The following LRRIQ1 variants were observed in gnomAD, a reference collection of about 807,000 sequenced individuals.
LRRIQ1 encodes leucine rich repeats and IQ motif containing 1.
Under a neutral mutation model 211.9 loss-of-function variants are expected in LRRIQ1, and 210 were observed. The observed-to-expected ratio is 0.99, with a 90% CI of 0.89 to 1.11. LRRIQ1 has a LOEUF of 1.11. LRRIQ1 is among the 50% of genes most tolerant of loss of function. The probability of loss-of-function intolerance (pLI) is 0.00; values close to 1 mark genes in which losing one functional copy is unlikely to be tolerated. For missense variants in LRRIQ1, 2,136 were observed against 1,939.5 expected (o/e 1.10, Z -1.90); for synonymous variants, 699 against 650.1 (o/e 1.08, Z -1.14).
At chr12:85,192,929 A>C (rs1229194835) in intron 24 of LRRIQ1, among the ~76,000 whole-genome samples, 2 of 93,984 alleles carry the variant, frequency 2.1e-5, no homozygotes, top group South Asian at 6.2e-4. Context: ...ATAATTATAT[A>C]ATATAATTAT....
intron 4 of LRRIQ1, 120 bp downstream of exon 4, chr12:85,044,929 A>T (rs1228766611): frequency 6.9e-6 from 3 of 431,940 alleles, no homozygotes; most frequent in Non-Finnish European, 8.4e-6. Context: ...AAATTTAATT[A>T]TTCTTAAGCA....
rs771396016 is a variant in LRRIQ1, at chr12:85,047,467, G to C, written c.675G>C (p.Gln225His). ...AAAAGAAGAAATTAGAGAACATTCA[G>C]AAGGTATTTTGCTTTTGTTTTTCAT... ...KVEKKKLENI[Q>H]KQEQDKMNDE... Residue 225 changes from glutamine (Q) to histidine (H), a missense_variant, in exon 6 of 27, where the codon CAG (glutamine) becomes CAC (histidine). Coordinates refer to ENST00000393217, the MANE Select transcript of LRRIQ1 (RefSeq NM_001079910.2). 2.5e-6 allele frequency: 4 copies of C among 1,609,780 alleles called. No individual in the cohort carries two copies. Among genetic ancestry groups the C allele is most frequent in the Non-Finnish European group, 2.5e-6 (3 of 1,178,310 alleles).
intron 15 of LRRIQ1, 103 bp from the exon 16 acceptor site, chr12:85,121,594 A>G: frequency 1.2e-6 from 1 of 801,202 alleles, no homozygotes; most frequent in South Asian, 4.5e-5. Context: ...TCTGAGATAT[A>G]TATCCTATGC....
chr12:85,253,529 C>T (rs1468512803), intron 1 of LRRIQ1, among the ~76,000 whole-genome samples: 2 of 151,928 alleles, frequency 1.3e-5, no homozygotes, highest in Non-Finnish European at 2.9e-5. Flanking sequence ...TTGTCTCTTG[C>T]CAGCCAGAAC....
At position 85,057,078 on chromosome 12, in the gene LRRIQ1, A is replaced by T. The variant is rs772488887; in HGVS notation, c.2285A>T (p.Lys762Met). Reference sequence around the variant, plus strand: ...GAAATTTTCAAGCAAAATCAACAAAAGAAAATTGTTAGAAGAAAGAGACCT... The same window carrying T: ...GAAATTTTCAAGCAAAATCAACAAATGAAAATTGTTAGAAGAAAGAGACCT... ...WLEIFKQNQQ[K>M]KIVRRKRPVK... The change falls in exon 8 of 27, where the codon AAG becomes ATG. Residue 762 changes from lysine (K) to methionine (M), a missense_variant. By Grantham distance (95) the Lys-to-Met change is moderately conservative. Transcript: ENST00000393217. The T allele has an allele frequency of 6.2e-7, 1 of 1,609,264 alleles. No individual in the cohort carries two copies. Among genetic ancestry groups the T allele is most frequent in the East Asian group, 2.2e-5 (1 of 44,786 alleles).
chr12:85,190,599 G>A (rs1892463553), intron 24 of LRRIQ1, among the ~76,000 whole-genome samples: 1 of 151,122 alleles, frequency 6.6e-6, no homozygotes, highest in African/African-American at 2.4e-5. Flanking sequence ...TCTATATTAT[G>A]TATGTAAGTG....
At chr12:85,228,330 A>G (rs1212956959) in intron 24 of LRRIQ1, among the ~76,000 whole-genome samples, 10 of 152,184 alleles carry the variant, frequency 6.6e-5, no homozygotes, top group African/African-American at 2.2e-4. Flanking sequence ...TTATAAGGCT[A>G]TTTATGAAAA....
Position 85,121,775 on chromosome 12 carries a change from T to G in LRRIQ1, c.3456T>G (p.Thr1152=), listed in dbSNP as rs1295427121. 10 of 1,610,250 alleles carry G rather than the reference T, an allele frequency of 6.2e-6. No individual in the cohort carries two copies. Among genetic ancestry groups the G allele is most frequent in the African/African-American group, 4.0e-5 (3 of 74,828 alleles). ...TAAACTCTAATTCAGAAAGCCGCAC[T>G]GAAGAACACAATCAACTGGGATCAG... The part of the protein sequence containing the change: ...NILNSNSESR[T]EEHNQLGSAG... The change falls in exon 16 of 27, where the codon ACT becomes ACG. Residue 1152 remains threonine, a synonymous_variant. Transcript: ENST00000393217.
At chr12:85,226,013 C>A (rs1044295295) in intron 24 of LRRIQ1, among the ~76,000 whole-genome samples, 4 of 152,128 alleles carry the variant, frequency 2.6e-5, no homozygotes, top group African/African-American at 9.7e-5. Context: ...GAGCTCATGC[C>A]AATCTACCAA....
intron 15 of LRRIQ1, among the ~76,000 whole-genome samples, chr12:85,111,237 G>A (rs1887150092): frequency 1.3e-5 from 2 of 152,100 alleles, no homozygotes; most frequent in Non-Finnish European, 2.9e-5. Flanking sequence ...GTAGGAGAGA[G>A]GGAAAGGGAC....
chr12:85,178,638 T>G (rs965671285), intron 24 of LRRIQ1, among the ~76,000 whole-genome samples: 1 of 151,952 alleles, frequency 6.6e-6, no homozygotes, highest in African/African-American at 2.4e-5. Flanking sequence ...TCCCCATAAT[T>G]TATCTTAGTC....
Position 85,244,832 on chromosome 12 carries a change from C to T in LRRIQ1, c.5060C>T (p.Ser1687Phe), listed in dbSNP as rs1895642851. ...GAAGACACGGATTTAGACCTTTTTT[C>T]CATGACCAATGGAAGTGCTTTGTCT... ...SREDTDLDLF[S>F]MTNGSALSVN... Residue 1687 changes from serine (S) to phenylalanine (F), a missense_variant, in exon 27 of 27, where the codon TCC (serine) becomes TTC (phenylalanine). Transcript: ENST00000393217. The T allele has an allele frequency of 6.2e-7, 1 of 1,610,608 alleles. No homozygotes were observed. Among genetic ancestry groups the T allele is most frequent in the Non-Finnish European group, 8.5e-7 (1 of 1,177,984 alleles).
intron 15 of LRRIQ1, among the ~76,000 whole-genome samples, chr12:85,120,858 G>A (rs1372894688): frequency 2.0e-5 from 3 of 152,232 alleles, no homozygotes; most frequent in Non-Finnish European, 2.9e-5. Context: ...GTTTCGGCTA[G>A]TAGTTCTAAA....
intron 10 of LRRIQ1, among the ~76,000 whole-genome samples, chr12:85,072,250 T>C (rs1048195201): frequency 6.6e-6 from 1 of 151,936 alleles, no homozygotes; most frequent in Non-Finnish European, 1.5e-5. Context: ...TTTTGGTGAT[T>C]CTTTTCAGTT....
intron 15 of LRRIQ1, among the ~76,000 whole-genome samples, chr12:85,108,720 T>G (rs1886956636): frequency 6.6e-6 from 1 of 152,146 alleles, no homozygotes; most frequent in African/African-American, 2.4e-5. Flanking sequence ...TTCACATTAT[T>G]TATTGTACAT....
At chr12:85,223,778 CA>C (rs996650159) in intron 24 of LRRIQ1, among the ~76,000 whole-genome samples, 8 of 150,718 alleles carry the variant, frequency 5.3e-5, no homozygotes, top group Admixed American at 3.9e-4. Context: ...TAGTCAAAAA[CA>C]AAAAAGGAAA....
intron 24 of LRRIQ1, among the ~76,000 whole-genome samples, chr12:85,210,004 G>A (rs543584581): frequency 2.6e-5 from 4 of 151,990 alleles, no homozygotes; most frequent in African/African-American, 4.8e-5. Flanking sequence ...ATTTTAAAAT[G>A]TTCTTAATAT....
intron 15 of LRRIQ1, among the ~76,000 whole-genome samples, chr12:85,107,510 G>T (rs1389952656): frequency 6.6e-6 from 1 of 151,788 alleles, no homozygotes; most frequent in African/African-American, 2.4e-5. Flanking sequence ...AGTATGTTTT[G>T]GTGTGGTTGC....
intron 24 of LRRIQ1, among the ~76,000 whole-genome samples, chr12:85,175,037 T>C (rs1891623216): frequency 6.6e-6 from 1 of 152,144 alleles, no homozygotes; most frequent in African/African-American, 2.4e-5. Flanking sequence ...AATAGAACAG[T>C]ATTTTCAACA....
Sources: allele counts gnomAD v4.1 joint callset (sites outside exome capture counted in the v4.1 genomes callset), GRCh38; gene constraint gnomAD v4.1.1; transcripts MANE v1.5; gene names NCBI Gene and HGNC (gene_info 2026-07-23, HGNC 2026-07-21).